MYCBP2: variants seen among roughly 807,000 people sequenced by gnomAD.
The protein encoded by MYCBP2 is E3 ubiquitin-protein ligase MYCBP2.
MYCBP2 carries 120 observed loss-of-function variants against 525.3 expected under a neutral mutation model. The observed-to-expected ratio is 0.23, with a 90% CI of 0.20 to 0.27. The LOEUF is 0.27. MYCBP2 is among the 10% of genes least tolerant of loss of function. The probability of loss-of-function intolerance (pLI) is 1.00; values close to 1 mark genes in which losing one functional copy is unlikely to be tolerated. For synonymous variants in MYCBP2, 1,894 were observed against 1,955.8 expected (o/e 0.97, Z 0.83); for missense variants, 4,149 against 5,657.1 (o/e 0.73, Z 8.55).
chr13:77,068,558 C>T lies in MYCBP2; in HGVS notation c.12171+7G>A, dbSNP rs529103668. On this transcript the variant is annotated splice_region_variant and intron_variant, in intron 70 of 82. Transcript: ENST00000544440. ...AGCAATGGAAAGGCTGTAGTGTGAT[C>T]AGTCACCTGTCTCTGGACTCTAGGA... is the stretch of plus-strand genomic sequence containing the variant. 142 of 1,613,574 alleles carry T rather than the reference C, an allele frequency of 8.8e-5. 1 individual carries two copies. In the South Asian group the frequency reaches 1.5e-3, roughly 17 times the overall value.
intron 17 of MYCBP2, among the ~76,000 whole-genome samples, chr13:77,236,315 A>C (rs948496943): frequency 1.3e-5 from 2 of 152,234 alleles, no homozygotes; most frequent in Non-Finnish European, 2.9e-5. Flanking sequence ...AGCTACACTC[A>C]TGTGTAGACA....
chr13:77,260,346 T>A, intron 13 of MYCBP2, 82 bp downstream of exon 13: 1 of 967,606 alleles, frequency 1.0e-6, no homozygotes, highest in Non-Finnish European at 1.4e-6. Context: ...GCCACCAACA[T>A]AAATTTTCTA....
chr13:77,274,262 A>T (rs2075252459), intron 4 of MYCBP2, among the ~76,000 whole-genome samples: 1 of 152,202 alleles, frequency 6.6e-6, no homozygotes, highest in Non-Finnish European at 1.5e-5. Flanking sequence ...TCATAAAGTC[A>T]TTTAGTGGTG....
chr13:77,231,316 C>T (rs956599227), intron 18 of MYCBP2, among the ~76,000 whole-genome samples: 4 of 152,174 alleles, frequency 2.6e-5, no homozygotes, highest in Non-Finnish European at 4.4e-5. Context: ...CCTCTGCCTC[C>T]CAGGCTCAAG....
intron 14 of MYCBP2, among the ~76,000 whole-genome samples, chr13:77,252,573 G>A (rs914619329): frequency 1.3e-5 from 2 of 152,128 alleles, no homozygotes; most frequent in South Asian, 4.1e-4. Flanking sequence ...TCTAAGTTAT[G>A]AGGTTAAGTC....
In MYCBP2 at chr13:77,140,072, T is replaced by C; in HGVS notation, c.7493A>G (p.Asn2498Ser). 1.2e-6 allele frequency: 2 copies of C among 1,610,932 alleles called. No homozygotes were observed. The highest frequency in any genetic ancestry group is 1.7e-6 in the Non-Finnish European group (2 of 1,178,924). The change falls in exon 51 of 83, where the codon AAT (asparagine) becomes AGT (serine). Residue 2498 changes from asparagine to serine, a missense_variant. Physicochemically the swap from Asn to Ser is conservative, Grantham distance 46. This residue lies in a region of MYCBP2 where 692 missense variants were observed against 852.7 expected (regional missense o/e 0.81). Coordinates refer to ENST00000544440, the MANE Select transcript of MYCBP2 (RefSeq NM_015057.5). ...CTCATCAATAAAAGTGATAGTTCCA[T>C]TGACTTTCACTATGCCTATCTGCTC... is the stretch of plus-strand genomic sequence containing the variant. ...QSEQIGIVKV[N>S]GTITFIDEIH...
At chr13:77,291,767 CAA>C (rs112850991) in intron 2 of MYCBP2, among the ~76,000 whole-genome samples, 19 of 103,986 alleles carry the variant, frequency 1.8e-4, no homozygotes, top group Admixed American at 2.1e-4. Context: ...AACTCTGTCT[CAA>C]AAAAAAAAAA....
At chr13:77,112,139 G>A (rs564624776) in intron 55 of MYCBP2, among the ~76,000 whole-genome samples, 4 of 151,824 alleles carry the variant, frequency 2.6e-5, no homozygotes, top group African/African-American at 7.2e-5. Context: ...TGGTAACTCC[G>A]AGCTGATAAG....
chr13:77,061,110 C>T (rs2285388), intron 76 of MYCBP2, 59 bp downstream of exon 76: 62,592 of 1,524,338 alleles, frequency 0.041, 1,419 homozygotes, highest in East Asian at 0.066. Context: ...AATCAGTTGG[C>T]ACGGTTTAAT....
At chr13:77,176,309 G>A (rs2059698047) in intron 36 of MYCBP2, among the ~76,000 whole-genome samples, 188 bp downstream of exon 36, 1 of 151,992 alleles carries the variant, frequency 6.6e-6, no homozygotes, top group Non-Finnish European at 1.5e-5. Flanking sequence ...GAAACATTAT[G>A]CAAAAATATA....
Position 77,121,435 on chromosome 13 carries a change from G to T in MYCBP2, c.8078C>A (p.Ala2693Asp), listed in dbSNP as rs1381123782. Residue 2693 changes from alanine (A) to aspartate (D), a missense_variant, in exon 55 of 83, where the codon GCT becomes GAT. This residue lies in a region of MYCBP2 where 653 missense variants were observed against 744.7 expected (regional missense o/e 0.88). Transcript: ENST00000544440. ...ACTGCAACTTGCCCCTTTATTAAAA[G>T]CTTGCACTGAGAAAGGGCTTGGAGG... ...TPPPSPFSVQAFNKGASCSAQ... is the reference protein window; with the variant it reads ...TPPPSPFSVQDFNKGASCSAQ... 2.5e-6 allele frequency: 4 copies of T among 1,596,742 alleles called. No individual in the cohort carries two copies. In the African/African-American group the frequency reaches 5.4e-5, roughly 21 times the overall value.
chr13:77,284,311 C>A (rs192741610), intron 3 of MYCBP2, among the ~76,000 whole-genome samples: 1 of 151,722 alleles, frequency 6.6e-6, no homozygotes, highest in East Asian at 1.9e-4. Context: ...TTAGGAGGAG[C>A]AACAGAGGAA....
chr13:77,117,354 T>G (rs1275558470), intron 55 of MYCBP2, among the ~76,000 whole-genome samples: 6 of 152,054 alleles, frequency 3.9e-5, no homozygotes, highest in Non-Finnish European at 5.9e-5. Flanking sequence ...TCCTAATGGA[T>G]AGTGGAAACC....
At chr13:77,267,807 G>T in intron 8 of MYCBP2, 34 bp downstream of exon 8, 2 of 1,478,608 alleles carry the variant, frequency 1.4e-6, no homozygotes, top group Non-Finnish European at 1.9e-6. Flanking sequence ...TCTTAAAATT[G>T]CTTGTGGAGA....
rs1411674066 is a variant in MYCBP2 at position 77,090,140 on chromosome 13, A to G, written c.10491T>C (p.Ala3497=). The change falls in exon 60 of 83, where the codon GCT becomes GCC. Residue 3497 remains alanine (A), a synonymous_variant. Transcript: ENST00000544440. ...QHSILPARVK[A]IPRRRVNSGD... is the part of the protein sequence containing the mutation. The stretch of plus-strand genomic sequence containing the variant: ...CACTGTTAACTCTTCTTCTAGGAAT[A>G]GCTTTAACTCGTGCAGGTAAAATGG... 6.2e-7 allele frequency: 1 copy of G among 1,612,282 alleles called. No individual in the cohort carries two copies. Among genetic ancestry groups the G allele is most frequent in the Non-Finnish European group, 8.5e-7 (1 of 1,179,018 alleles).
chr13:77,131,339 A>C (rs2052753535), intron 52 of MYCBP2, among the ~76,000 whole-genome samples: 1 of 152,076 alleles, frequency 6.6e-6, no homozygotes, highest in Non-Finnish European at 1.5e-5. Context: ...TAAGACAGAG[A>C]GACCTCGTCT....
At chr13:77,195,367 C>A (rs575959470) in intron 26 of MYCBP2, among the ~76,000 whole-genome samples, 162 of 152,286 alleles carry the variant, frequency 1.1e-3, no homozygotes, top group African/African-American at 3.7e-3. Flanking sequence ...GAGGCTGAGG[C>A]AGGCAGATCA....
At chr13:77,212,695 G>A (rs1214964417) in intron 21 of MYCBP2, among the ~76,000 whole-genome samples, 1 of 152,098 alleles carries the variant, frequency 6.6e-6, no homozygotes, top group Non-Finnish European at 1.5e-5. Context: ...TTTCATTTAT[G>A]TTTTAAAATA....
intron 1 of MYCBP2, among the ~76,000 whole-genome samples, chr13:77,323,595 T>C (rs906337340): frequency 1.3e-5 from 2 of 152,220 alleles, no homozygotes; most frequent in East Asian, 3.8e-4. Context: ...CAGTTACTTA[T>C]TACTAAGTGA....
Sources: allele counts gnomAD v4.1 joint callset (sites outside exome capture counted in the v4.1 genomes callset), GRCh38; gene constraint gnomAD v4.1.1; regional missense constraint gnomAD v4.1.1; transcripts MANE v1.5; gene names NCBI Gene and HGNC (gene_info 2026-07-23, HGNC 2026-07-21).